Variants in TSPAN15 observed in about 807,000 individuals in gnomAD.
The protein encoded by TSPAN15 is tetraspanin-15.
TSPAN15 carries 20 observed loss-of-function variants against 34.5 expected under a neutral mutation model. The ratio of observed to expected loss-of-function variants is 0.58; its 90% CI spans 0.41 to 0.84. TSPAN15 has a LOEUF of 0.84. Among genes scored for constraint, TSPAN15 ranks in the 40% least tolerant of loss-of-function variants. The pLI is 0.00. For missense variants in TSPAN15, 313 were observed against 386.1 expected (o/e 0.81, Z 1.59); for synonymous variants, 155 against 153.9 (o/e 1.01, Z -0.05).
the TSPAN15 span, among the ~76,000 whole-genome samples, chr10:69,540,650 C>G: frequency 6.6e-6 from 1 of 152,132 alleles, no homozygotes; most frequent in Admixed American, 6.5e-5. Flanking sequence ...AGAGTGAAGT[C>G]TGTGTGTCTG....
chr10:69,522,400 A>AG, the TSPAN15 span, among the ~76,000 whole-genome samples: 1 of 132,388 alleles, frequency 7.6e-6, no homozygotes, highest in South Asian at 2.4e-4. Flanking sequence ...AAAAAAAAAA[A>AG]GAAGGTCAAT....
the TSPAN15 span, among the ~76,000 whole-genome samples, chr10:69,539,441 G>GGAAGAAGAAGAAGAA: frequency 9.2e-5 from 6 of 65,426 alleles, no homozygotes; most frequent in East Asian, 7.9e-4. Flanking sequence ...AGAAGAAGAA[G>GGAAGAAGAAGAAGAA]GAAGAAGAAG....
chr10:69,490,724 CAAACA>C (rs542471689), intron 3 of TSPAN15, among the ~76,000 whole-genome samples: 7 of 152,162 alleles, frequency 4.6e-5, no homozygotes, highest in African/African-American at 7.2e-5. Context: ...GATTCTGTCT[CAAACA>C]AAACAAAACA....
At chr10:69,496,098 A>T (rs1273313681) in intron 4 of TSPAN15, among the ~76,000 whole-genome samples, 1 of 151,860 alleles carries the variant, frequency 6.6e-6, no homozygotes, top group Admixed American at 6.6e-5. Context: ...CCCCAGTCCA[A>T]AGCCCCCTCT....
Position 69,452,232 on chromosome 10 carries a change from T to C in TSPAN15, c.96+542T>C, listed in dbSNP as rs376953357. 3.5e-3 allele frequency among the ~76,000 whole-genome samples: 538 copies of C among 152,326 alleles called. 39 individuals carry two copies. In the South Asian group the frequency reaches 0.11, roughly 30 times the overall value. On this transcript the variant is annotated intron_variant, in intron 1 of 7. Coordinates refer to ENST00000373290, the MANE Select transcript of TSPAN15 (RefSeq NM_012339.5). ...GAGGAGAAGTCCACCAGACGACGTCTCCTGCACACCTAGGTGCTCAGTTTC... is the reference window on the plus strand; with the variant it reads ...GAGGAGAAGTCCACCAGACGACGTCCCCTGCACACCTAGGTGCTCAGTTTC...
chr10:69,463,350 T>A (rs1027922075), intron 1 of TSPAN15, among the ~76,000 whole-genome samples: 1 of 152,096 alleles, frequency 6.6e-6, no homozygotes, highest in African/African-American at 2.4e-5. Context: ...TGGCAGGTGG[T>A]GGTCTATCTC....
intron 1 of TSPAN15, among the ~76,000 whole-genome samples, chr10:69,462,162 T>TTTTC (rs1554831161): frequency 8.4e-6 from 1 of 118,528 alleles, no homozygotes; most frequent in Non-Finnish European, 1.7e-5. Flanking sequence ...AAAGTTTTTT[T>TTTTC]TTTTTTTTTT....
the TSPAN15 span, among the ~76,000 whole-genome samples, chr10:69,514,385 A>G: frequency 1.3e-5 from 2 of 152,084 alleles, no homozygotes; most frequent in East Asian, 3.9e-4. Flanking sequence ...TTAGCTGGGA[A>G]CTGTTCCTTC....
chr10:69,541,735 A>C, the TSPAN15 span, among the ~76,000 whole-genome samples: 4 of 152,230 alleles, frequency 2.6e-5, no homozygotes, highest in African/African-American at 9.6e-5. Flanking sequence ...TGCAGGTTCA[A>C]CACCTGTAAG....
At chr10:69,458,801 G>A (rs145371989) in intron 1 of TSPAN15, among the ~76,000 whole-genome samples, 34 of 152,246 alleles carry the variant, frequency 2.2e-4, no homozygotes, top group Non-Finnish European at 3.7e-4. Flanking sequence ...AGTGTCCTTC[G>A]CTCTTAACCT....
chr10:69,459,423 G>A (rs1282536845), intron 1 of TSPAN15, among the ~76,000 whole-genome samples: 1 of 152,186 alleles, frequency 6.6e-6, no homozygotes, highest in Non-Finnish European at 1.5e-5. Context: ...GAGCAAGTGG[G>A]GAGGGATGGG....
the TSPAN15 span, among the ~76,000 whole-genome samples, chr10:69,543,680 T>TG: frequency 6.6e-6 from 1 of 152,000 alleles, no homozygotes; most frequent in Non-Finnish European, 1.5e-5. Context: ...GCTTGCTGAA[T>TG]GGGGGCTTGG....
intron 1 of TSPAN15, among the ~76,000 whole-genome samples, chr10:69,459,930 C>CA (rs1554830966): frequency 0.3 from 42,911 of 144,136 alleles, 7,482 homozygotes; most frequent in Middle Eastern, 0.35. Context: ...ACCCCCCCCC[C>CA]ACGAATGGAG....
At chr10:69,521,748 C>T in the TSPAN15 span, among the ~76,000 whole-genome samples, 1 of 147,744 alleles carries the variant, frequency 6.8e-6, no homozygotes, top group East Asian at 2.5e-4. Context: ...GGACTTACAA[C>T]ATTAGCTCCC....
the TSPAN15 span, among the ~76,000 whole-genome samples, chr10:69,533,302 G>GATATAT: frequency 6.6e-6 from 1 of 151,296 alleles, no homozygotes; most frequent in African/African-American, 2.4e-5. Flanking sequence ...AAGAAACTGT[G>GATATAT]ATATATATAT....
chr10:69,490,037 G>A (rs912934450), intron 3 of TSPAN15, among the ~76,000 whole-genome samples: 1 of 152,168 alleles, frequency 6.6e-6, no homozygotes, highest in African/African-American at 2.4e-5. Flanking sequence ...GGCAGTAGCG[G>A]GTGTGTCTAT....
chr10:69,506,090 C>G lies in TSPAN15; in HGVS notation c.619-34C>G. 1 of 1,594,712 alleles carries G rather than the reference C, an allele frequency of 6.3e-7. No individual in the cohort carries two copies. Among genetic ancestry groups the G allele is most frequent in the Non-Finnish European group, 8.6e-7 (1 of 1,164,132 alleles). On this transcript the variant is annotated intron_variant, in intron 6 of 7. Coordinates refer to ENST00000373290, the MANE Select transcript of TSPAN15 (RefSeq NM_012339.5). This position sits in a 1 kb window ranked among gnomAD's most constrained non-coding sequence, Gnocchi z 4.7. ...GCTGTGGCTCCTGCCAGCCGAGGTCCTCTGCTGGGCTGACCCAGCTCCTTC... is the reference window on the plus strand; with the variant it reads ...GCTGTGGCTCCTGCCAGCCGAGGTCGTCTGCTGGGCTGACCCAGCTCCTTC...
chr10:69,479,164 CT>C (rs1195707373), intron 1 of TSPAN15, among the ~76,000 whole-genome samples: 2 of 152,228 alleles, frequency 1.3e-5, no homozygotes, highest in Non-Finnish European at 2.9e-5. Context: ...TAGTATTTGC[CT>C]TTTGGGGGTG....
At chr10:69,495,386 C>A in intron 3 of TSPAN15, 1 of 561,040 alleles carries the variant, frequency 1.8e-6, no homozygotes, top group South Asian at 2.1e-5. Context: ...GGCACTCAGG[C>A]ATCAGATGAA....
Sources: allele counts gnomAD v4.1 joint callset (sites outside exome capture counted in the v4.1 genomes callset), GRCh38; gene constraint gnomAD v4.1.1; non-coding constraint Gnocchi (gnomAD v3.1); transcripts MANE v1.5; gene names NCBI Gene and HGNC (gene_info 2026-07-23, HGNC 2026-07-21).